CA10: variants seen among roughly 807,000 people sequenced by gnomAD.
CA10 encodes carbonic anhydrase 10 (inactive), also known as carbonic anhydrase-related protein 10.
Under a neutral mutation model 44.2 loss-of-function variants are expected in CA10, and 14 were observed. The ratio of observed to expected loss-of-function variants is 0.32; its 90% CI spans 0.21 to 0.50. The LOEUF is 0.50. Ranked by LOEUF, CA10 falls within the 20% of genes least tolerant of loss-of-function variation. The pLI is 0.99. For synonymous variants in CA10, 159 were observed against 141.6 expected, an observed-to-expected ratio of 1.12 and a Z score of -0.87; for missense variants, 350 against 409.7, an observed-to-expected ratio of 0.85 and a Z score of 1.26.
intron 2 of CA10, among the ~76,000 whole-genome samples, chr17:52,036,918 T>TA (rs1023549349): frequency 6.6e-6 from 1 of 152,100 alleles, no homozygotes; most frequent in African/African-American, 2.4e-5. Context: ...CAGGTGGAGC[T>TA]ACTGAGGCGG....
At chr17:52,043,626 C>T (rs904846390) in intron 2 of CA10, among the ~76,000 whole-genome samples, 1 of 151,998 alleles carries the variant, frequency 6.6e-6, no homozygotes, top group Non-Finnish European at 1.5e-5. Flanking sequence ...GCATTCCTCT[C>T]TTATTTCTGA....
At chr17:51,684,877 C>T (rs933417302) in intron 4 of CA10, among the ~76,000 whole-genome samples, 4 of 152,004 alleles carry the variant, frequency 2.6e-5, no homozygotes, top group African/African-American at 7.2e-5. Context: ...AAATCAAATG[C>T]CATTAAAAGA....
intron 1 of CA10, among the ~76,000 whole-genome samples, chr17:52,088,377 T>C (rs1037133182): frequency 1.3e-5 from 2 of 151,782 alleles, no homozygotes; most frequent in African/African-American, 4.9e-5. Flanking sequence ...AAGAAATGTG[T>C]AACAATGAGA....
intron 3 of CA10, among the ~76,000 whole-genome samples, chr17:51,858,257 C>G (rs919594135): frequency 1.3e-5 from 2 of 151,990 alleles, no homozygotes. Context: ...AGTGAAGGGA[C>G]ATCGGTATTA....
At chr17:51,990,715 C>T (rs1985010113) in intron 2 of CA10, among the ~76,000 whole-genome samples, 1 of 152,008 alleles carries the variant, frequency 6.6e-6, no homozygotes, top group African/African-American at 2.4e-5. Flanking sequence ...ATTCTTCTTC[C>T]TTTGGAAATT....
chr17:51,887,871 A>G (rs2143902345), intron 3 of CA10, among the ~76,000 whole-genome samples: 1 of 151,730 alleles, frequency 6.6e-6, no homozygotes, highest in Non-Finnish European at 1.5e-5. Flanking sequence ...AAAAAAAGAA[A>G]AAAAATTAGT....
At chr17:51,830,965 C>T (rs755891936) in intron 3 of CA10, among the ~76,000 whole-genome samples, 2 of 152,012 alleles carry the variant, frequency 1.3e-5, no homozygotes, top group Non-Finnish European at 2.9e-5. Flanking sequence ...GCAAAAACTG[C>T]AGTTACTTTT....
chr17:51,892,756 C>T (rs1387351605), intron 3 of CA10, among the ~76,000 whole-genome samples: 1 of 152,092 alleles, frequency 6.6e-6, no homozygotes, highest in African/African-American at 2.4e-5. Flanking sequence ...ATTCAGGTTC[C>T]TCCATTTTAT....
intron 4 of CA10, among the ~76,000 whole-genome samples, chr17:51,659,743 C>A (rs1167261598): frequency 6.6e-6 from 1 of 152,160 alleles, no homozygotes; most frequent in African/African-American, 2.4e-5. Flanking sequence ...TGAGTTAGTG[C>A]CATTATTTCC....
At chr17:51,664,125 G>C (rs562107287) in intron 4 of CA10, among the ~76,000 whole-genome samples, 1 of 152,008 alleles carries the variant, frequency 6.6e-6, no homozygotes, top group African/African-American at 2.4e-5. Flanking sequence ...ATAAAGGCTC[G>C]CTTTGTTTTA....
intron 3 of CA10, among the ~76,000 whole-genome samples, chr17:51,773,030 G>A (rs1336898519): frequency 4.6e-5 from 7 of 152,032 alleles, no homozygotes. Flanking sequence ...CCTACCACCA[G>A]GCCATAAGCT....
intron 3 of CA10, among the ~76,000 whole-genome samples, chr17:51,844,882 A>G (rs1485143244): frequency 1.3e-5 from 2 of 152,196 alleles, no homozygotes; most frequent in Non-Finnish European, 1.5e-5. Flanking sequence ...TCAGAATGTG[A>G]CCTTATTAAG....
intron 3 of CA10, among the ~76,000 whole-genome samples, chr17:51,816,755 T>C (rs1567849063): frequency 6.6e-6 from 1 of 152,208 alleles, no homozygotes; most frequent in South Asian, 2.1e-4. Context: ...CATATTACCA[T>C]ATTACAAATT....
intron 1 of CA10, among the ~76,000 whole-genome samples, chr17:52,113,838 G>A (rs1416753978): frequency 6.6e-6 from 1 of 152,212 alleles, no homozygotes; most frequent in Non-Finnish European, 1.5e-5. Flanking sequence ...AACAATGTGT[G>A]TTAATCAGTC....
At position 51,876,160 on chromosome 17, in the gene CA10, G is replaced by GTT. The variant is rs3033579; in HGVS notation, c.279+54828_279+54829dup. Among the ~76,000 whole-genome samples, 265 of 59,796 alleles carry GTT rather than the reference G, an allele frequency of 4.4e-3. 7 individuals are homozygous for GTT. Among genetic ancestry groups the GTT allele is most frequent in the African/African-American group, 0.016 (217 of 13,254 alleles). 39.2% of individuals were successfully genotyped at this position (59,796 alleles called of 152,430 possible). A position where few individuals can be genotyped will look rare whatever the true frequency, so the allele number is the denominator to read the frequency against. On this transcript the variant is annotated intron_variant, in intron 3 of 8. Coordinates refer to ENST00000451037, the MANE Select transcript of CA10 (RefSeq NM_020178.5). ...AAGATAAAATTTTATTTCTTCTCTC[G>GTT]TTTTTTTTTTTTTTTTTTTTTTTTT... is the stretch of plus-strand genomic sequence containing the variant.
At chr17:51,929,219 T>C (rs1308750031) in intron 3 of CA10, among the ~76,000 whole-genome samples, 1 of 81,172 alleles carries the variant, frequency 1.2e-5, no homozygotes, top group Non-Finnish European at 3.0e-5. Context: ...AGAAGCTGTG[T>C]TGACATTTTT....
At chr17:52,063,103 A>G (rs898219141) in intron 2 of CA10, among the ~76,000 whole-genome samples, 1 of 152,166 alleles carries the variant, frequency 6.6e-6, no homozygotes, top group Non-Finnish European at 1.5e-5. Context: ...TTAAGATTTA[A>G]TGTCTGCCCT....
At chr17:51,975,691 G>GAATA (rs1984438454) in intron 2 of CA10, among the ~76,000 whole-genome samples, 3 of 151,410 alleles carry the variant, frequency 2.0e-5, no homozygotes, top group East Asian at 1.9e-4. Flanking sequence ...ACAAATGAAT[G>GAATA]AATAAATAAA....
chr17:51,915,311 C>A (rs969945788), intron 3 of CA10, among the ~76,000 whole-genome samples: 3 of 152,306 alleles, frequency 2.0e-5, no homozygotes, highest in African/African-American at 7.2e-5. Context: ...GTTGCTCCCA[C>A]TTGAATGCCT....
Sources: gnomAD v4.1 joint callset for allele counts (sites outside exome capture counted in the v4.1 genomes callset) on GRCh38, gnomAD v4.1.1 for gene constraint, MANE v1.5 for transcripts, NCBI Gene and HGNC (gene_info 2026-07-23, HGNC 2026-07-21) for gene names.